The following EXOC6B variants were observed in gnomAD, a reference collection of about 807,000 sequenced individuals.
EXOC6B encodes the protein SEC15 homolog B.
Under a neutral mutation model 113.5 loss-of-function variants are expected in EXOC6B, and 54 were observed. The observed-to-expected ratio is 0.48, with a 90% CI of 0.38 to 0.60. The LOEUF (loss-of-function observed/expected upper bound fraction) is 0.60. EXOC6B is among the 20% of genes least tolerant of loss of function. The pLI, the probability that EXOC6B is intolerant of heterozygous loss-of-function variation, is 0.00. For missense variants in EXOC6B, 797 were observed against 977.5 expected, an observed-to-expected ratio of 0.82 and a Z score of 2.46; for synonymous variants, 357 against 339.0, an observed-to-expected ratio of 1.05 and a Z score of -0.58.
chr2:72,269,230 A>G (rs1684328478), intron 20 of EXOC6B, among the ~76,000 whole-genome samples: 1 of 152,200 alleles, frequency 6.6e-6, no homozygotes, highest in African/African-American at 2.4e-5. Context: ...AAGTCTGGAC[A>G]GTGGGAATAC....
chr2:72,725,572 A>G (rs751887207), intron 5 of EXOC6B, among the ~76,000 whole-genome samples: 3 of 152,026 alleles, frequency 2.0e-5, no homozygotes, highest in Non-Finnish European at 2.9e-5. Flanking sequence ...TTGTATCTTT[A>G]GTAGGGATGG....
Position 72,307,161 on chromosome 2 carries a change from G to GTTTTTTTTTTTTTTTTTTT in EXOC6B, c.2196+27785_2196+27786insAAAAAAAAAAAAAAAAAAA, listed in dbSNP as rs1553371308. Among the ~76,000 whole-genome samples, 78 of 128,470 alleles carry GTTTTTTTTTTTTTTTTTTT rather than the reference G, an allele frequency of 6.1e-4. 3 individuals carry two copies. Among genetic ancestry groups the GTTTTTTTTTTTTTTTTTTT allele is most frequent in the African/African-American group, 2.9e-3 (76 of 26,178 alleles). The allele number at this position is 128,470 out of a possible 152,430, so 84.3% of individuals were successfully genotyped here. A position where few individuals can be genotyped will look rare whatever the true frequency, so the allele number is the denominator to read the frequency against. On this transcript the variant is annotated intron_variant, in intron 20 of 21. Transcript: ENST00000272427. ...TCCATGACTGCAATGGTATAGTCCA[G>GTTTTTTTTTTTTTTTTTTT]TTTTTTTTTTTTTGAGACGGAGTCT...
In EXOC6B at chr2:72,179,368, C is replaced by G; in HGVS notation, c.2403G>C (p.Gln801His). Residue 801 changes from glutamine (Q) to histidine (H), a missense_variant, in exon 22 of 22, where the codon CAG (glutamine) becomes CAC (histidine). Transcript: ENST00000272427. Reference protein sequence around the residue: ...KQKLIDTVAKQLRGLISSHHS With the variant: ...KQKLIDTVAKHLRGLISSHHS ...GGTGGCTGCTGATGAGTCCTCGGAGCTGCTTGGCCACGGTGTCAATGAGTT... is the reference window on the plus strand; with the variant it reads ...GGTGGCTGCTGATGAGTCCTCGGAGGTGCTTGGCCACGGTGTCAATGAGTT... 1 of 1,613,014 alleles carries G rather than the reference C, an allele frequency of 6.2e-7. No homozygotes were observed. The highest frequency in any genetic ancestry group is 8.5e-7 in the Non-Finnish European group (1 of 1,179,520).
intron 11 of EXOC6B, among the ~76,000 whole-genome samples, chr2:72,507,457 T>C (rs1700653827): frequency 6.6e-6 from 1 of 152,146 alleles, no homozygotes; most frequent in Admixed American, 6.5e-5. Context: ...TAATTGTTTG[T>C]ATATTCACAG....
chr2:72,206,745 AAG>A (rs749644090), intron 20 of EXOC6B, among the ~76,000 whole-genome samples: 1 of 152,204 alleles, frequency 6.6e-6, no homozygotes, highest in Admixed American at 6.5e-5. Flanking sequence ...CTTTATAATA[AAG>A]AGAGTTGTTC....
At chr2:72,584,845 T>A (rs1705450597) in intron 6 of EXOC6B, among the ~76,000 whole-genome samples, 1 of 152,078 alleles carries the variant, frequency 6.6e-6, no homozygotes, top group Non-Finnish European at 1.5e-5. Flanking sequence ...CAGAAATCAA[T>A]ACCAAGAAGA....
chr2:72,743,326 C>A (rs1467963745), intron 1 of EXOC6B, among the ~76,000 whole-genome samples: 1 of 152,136 alleles, frequency 6.6e-6, no homozygotes, highest in East Asian at 1.9e-4. Context: ...GAATTAAAAT[C>A]TTGATTCTTT....
chr2:72,822,052 T>C (rs1686612051), intron 1 of EXOC6B, among the ~76,000 whole-genome samples: 1 of 152,204 alleles, frequency 6.6e-6, no homozygotes, highest in African/African-American at 2.4e-5. Context: ...TTAGACTGAA[T>C]GTTAATTGCT....
chr2:72,561,415 T>G (rs1043422460), intron 7 of EXOC6B, among the ~76,000 whole-genome samples: 5 of 152,184 alleles, frequency 3.3e-5, no homozygotes, highest in Admixed American at 6.5e-5. Context: ...AAAGAATTTT[T>G]CTTACATAAT....
chr2:72,268,414 A>G (rs1684269836), intron 20 of EXOC6B, among the ~76,000 whole-genome samples: 2 of 152,154 alleles, frequency 1.3e-5, no homozygotes, highest in African/African-American at 2.4e-5. Flanking sequence ...GCCCAGCTCA[A>G]CATATAAAAG....
intron 18 of EXOC6B, among the ~76,000 whole-genome samples, chr2:72,432,170 G>C (rs1055432157): frequency 2.0e-5 from 3 of 151,856 alleles, no homozygotes; most frequent in Admixed American, 1.3e-4. Flanking sequence ...CCAAGTAGCT[G>C]GGACTACAGG....
At chr2:72,241,500 T>C (rs1469180761) in intron 20 of EXOC6B, among the ~76,000 whole-genome samples, 1 of 152,110 alleles carries the variant, frequency 6.6e-6, no homozygotes, top group Non-Finnish European at 1.5e-5. Flanking sequence ...GATCCAGGAA[T>C]CTTGGAGAAC....
chr2:72,818,246 G>A (rs1348853536), intron 1 of EXOC6B, among the ~76,000 whole-genome samples: 1 of 151,520 alleles, frequency 6.6e-6, no homozygotes, highest in Non-Finnish European at 1.5e-5. Flanking sequence ...CCAGGTTCAC[G>A]CCATTCTCCT....
intron 17 of EXOC6B, 103 bp downstream of exon 17, chr2:72,480,513 G>A (rs192790922): frequency 2.8e-6 from 3 of 1,053,504 alleles, no homozygotes; most frequent in Middle Eastern, 2.1e-4. Flanking sequence ...TCATTCTCAA[G>A]AGCATGTTAT....
intron 20 of EXOC6B, among the ~76,000 whole-genome samples, chr2:72,293,733 T>A (rs1685952542): frequency 1.3e-5 from 2 of 152,158 alleles, no homozygotes. Flanking sequence ...AACTCCTTAC[T>A]TGGATATAAG....
At chr2:72,615,568 G>A (rs1244314281) in intron 6 of EXOC6B, among the ~76,000 whole-genome samples, 1 of 142,042 alleles carries the variant, frequency 7.0e-6, no homozygotes, top group Admixed American at 7.1e-5. Context: ...CATTAATCAC[G>A]TTTGCGGTAA....
chr2:72,625,047 C>T (rs1056216057), intron 6 of EXOC6B, among the ~76,000 whole-genome samples: 11 of 131,434 alleles, frequency 8.4e-5, no homozygotes, highest in Non-Finnish European at 1.6e-4. Context: ...TATGCAAGAA[C>T]ATATAGAAGT....
chr2:72,429,832 C>T (rs1367541504), intron 18 of EXOC6B, among the ~76,000 whole-genome samples: 7 of 152,172 alleles, frequency 4.6e-5, no homozygotes, highest in Non-Finnish European at 1.5e-5. Context: ...GGGTGAGGAA[C>T]CCTGCATTAG....
intron 19 of EXOC6B, among the ~76,000 whole-genome samples, chr2:72,353,182 A>G (rs931892538): frequency 6.6e-6 from 1 of 152,186 alleles, no homozygotes; most frequent in Admixed American, 6.5e-5. Context: ...GATAGAGCAG[A>G]AAGAGATGGC....
Sources: allele counts gnomAD v4.1 joint callset (sites outside exome capture counted in the v4.1 genomes callset), GRCh38; gene constraint gnomAD v4.1.1; transcripts MANE v1.5; gene names NCBI Gene and HGNC (gene_info 2026-07-23, HGNC 2026-07-21).